HS3ST5: variants seen among roughly 807,000 people sequenced by gnomAD.
HS3ST5 encodes the protein heparan sulfate-glucosamine 3-sulfotransferase 5.
HS3ST5 carries 10 observed loss-of-function variants against 25.4 expected under a neutral mutation model. The ratio of observed to expected loss-of-function variants is 0.39; its 90% CI spans 0.24 to 0.67. The LOEUF (loss-of-function observed/expected upper bound fraction) is 0.67, where lower values mean the gene tolerates loss of function less well. Among genes scored for constraint, HS3ST5 ranks in the 30% least tolerant of loss-of-function variants. The pLI is 0.44. For synonymous variants in HS3ST5, 170 were observed against 162.4 expected, an observed-to-expected ratio of 1.05 and a Z score of -0.36; for missense variants, 324 against 420.7, an observed-to-expected ratio of 0.77 and a Z score of 2.01.
chr6:114,259,797 C>T (rs984443713), intron 1 of HS3ST5, among the ~76,000 whole-genome samples: 37 of 152,040 alleles, frequency 2.4e-4, no homozygotes, highest in Admixed American at 2.4e-3. Flanking sequence ...CTGAGGAACA[C>T]GTGCATCAAT....
intron 1 of HS3ST5, among the ~76,000 whole-genome samples, chr6:114,298,438 A>T (rs1301201655): frequency 6.6e-6 from 1 of 152,250 alleles, no homozygotes; most frequent in Non-Finnish European, 1.5e-5. Context: ...TGTTCTAATT[A>T]GTTTACCTAT....
At chr6:114,262,360 A>T (rs1381518803) in intron 1 of HS3ST5, among the ~76,000 whole-genome samples, 1 of 152,186 alleles carries the variant, frequency 6.6e-6, no homozygotes, top group Non-Finnish European at 1.5e-5. Context: ...ATCCTGGCTA[A>T]CATGGTGAAA....
At chr6:114,274,605 G>C (rs926741524) in intron 1 of HS3ST5, among the ~76,000 whole-genome samples, 6 of 152,016 alleles carry the variant, frequency 3.9e-5, no homozygotes, top group African/African-American at 1.4e-4. Context: ...CAGGCCTCTA[G>C]AAATTTCTGA....
At chr6:114,059,015 T>C (rs1216349845) in intron 4 of HS3ST5, 2 of 152,266 alleles carry the variant, frequency 1.3e-5, no homozygotes, top group East Asian at 3.9e-4. Context: ...CTCAATCTCA[T>C]TAAGGAAGGA....
intron 3 of HS3ST5, among the ~76,000 whole-genome samples, chr6:114,104,227 C>G (rs894017001): frequency 9.2e-5 from 14 of 152,212 alleles, no homozygotes; most frequent in Admixed American, 3.3e-4. Context: ...ATACTAATGA[C>G]TAGAGAACTG....
intron 2 of HS3ST5, among the ~76,000 whole-genome samples, chr6:114,175,208 G>T (rs759188720): frequency 6.6e-6 from 1 of 152,040 alleles, no homozygotes; most frequent in Non-Finnish European, 1.5e-5. Flanking sequence ...TATAATCACC[G>T]AACTTTAAAG....
At chr6:114,278,771 A>G (rs1470354204) in intron 1 of HS3ST5, among the ~76,000 whole-genome samples, 1 of 152,030 alleles carries the variant, frequency 6.6e-6, no homozygotes, top group Non-Finnish European at 1.5e-5. Context: ...CTAGGGGAAC[A>G]TACCTTTTTC....
chr6:114,219,662 AAAT>A (rs1781938277), intron 2 of HS3ST5, among the ~76,000 whole-genome samples: 1 of 152,156 alleles, frequency 6.6e-6, no homozygotes, highest in Admixed American at 6.5e-5. Context: ...TTATTATTGA[AAAT>A]AATAAACAAT....
intron 3 of HS3ST5, among the ~76,000 whole-genome samples, chr6:114,157,677 G>A (rs773592768): frequency 1.2e-4 from 18 of 152,022 alleles, no homozygotes; most frequent in Non-Finnish European, 1.9e-4. Flanking sequence ...ATATTACACA[G>A]ACCACAAATA....
intron 2 of HS3ST5, among the ~76,000 whole-genome samples, chr6:114,196,081 C>T (rs1001029209): frequency 6.6e-6 from 1 of 152,136 alleles, no homozygotes. Context: ...AAACAGCAAC[C>T]CTCTTCTGGG....
At chr6:114,082,012 A>C (rs1478425133) in intron 3 of HS3ST5, among the ~76,000 whole-genome samples, 2 of 151,968 alleles carry the variant, frequency 1.3e-5, no homozygotes, top group Non-Finnish European at 2.9e-5. Context: ...AGTCTACCCC[A>C]TTTCTCCATT....
intron 3 of HS3ST5, among the ~76,000 whole-genome samples, chr6:114,124,823 G>T (rs1263816691): frequency 5.3e-5 from 8 of 152,034 alleles, no homozygotes; most frequent in Admixed American, 5.2e-4. Context: ...ATTGTTTTGG[G>T]TCATTTGTTA....
At chr6:114,177,839 A>T (rs1779794768) in intron 2 of HS3ST5, among the ~76,000 whole-genome samples, 1 of 152,216 alleles carries the variant, frequency 6.6e-6, no homozygotes, top group African/African-American at 2.4e-5. Flanking sequence ...CCATATAGTA[A>T]ACCTAAGAGA....
chr6:114,193,535 G>T (rs1562233109), intron 2 of HS3ST5, among the ~76,000 whole-genome samples: 1 of 152,084 alleles, frequency 6.6e-6, no homozygotes, highest in Non-Finnish European at 1.5e-5. Context: ...CATTCTCCCT[G>T]GTATGAACCC....
At chr6:114,282,679 C>G (rs1387101729) in intron 1 of HS3ST5, among the ~76,000 whole-genome samples, 1 of 151,898 alleles carries the variant, frequency 6.6e-6, no homozygotes, top group Non-Finnish European at 1.5e-5. Flanking sequence ...GTTCTTTTTC[C>G]ACAAATTTGA....
At chr6:114,262,256 A>T (rs971506599) in intron 1 of HS3ST5, among the ~76,000 whole-genome samples, 2 of 152,160 alleles carry the variant, frequency 1.3e-5, no homozygotes, top group African/African-American at 4.8e-5. Context: ...TTATAAAAAT[A>T]TTTCATAGCG....
At chr6:114,285,214 T>C (rs76137901) in intron 1 of HS3ST5, among the ~76,000 whole-genome samples, 4,952 of 152,026 alleles carry the variant, frequency 0.033, 286 homozygotes, top group African/African-American at 0.11. Flanking sequence ...TATGCATGTT[T>C]TCACTTATAA....
chr6:114,102,346 G>A (rs1324713469), intron 3 of HS3ST5, among the ~76,000 whole-genome samples: 1 of 152,178 alleles, frequency 6.6e-6, no homozygotes, highest in African/African-American at 2.4e-5. Flanking sequence ...AGCTGGTTCC[G>A]GAATCTCTGT....
intron 1 of HS3ST5, among the ~76,000 whole-genome samples, chr6:114,247,343 A>G (rs1272503516): frequency 1.3e-5 from 2 of 152,206 alleles, no homozygotes; most frequent in Non-Finnish European, 2.9e-5. Context: ...GGCTGTCAAC[A>G]TATTAGGCTG....
Sources: allele counts gnomAD v4.1 joint callset (sites outside exome capture counted in the v4.1 genomes callset), GRCh38; gene constraint gnomAD v4.1.1; transcripts MANE v1.5; gene names NCBI Gene and HGNC (gene_info 2026-07-23, HGNC 2026-07-21).